The following RAB2A variants were observed in gnomAD, a reference collection of about 807,000 sequenced individuals.
RAB2A encodes the protein RAB2A, member RAS oncogene family, also known as ras-related protein Rab-2A.
In RAB2A, 7 loss-of-function variants were observed where a neutral mutation model predicts 32.5. The ratio of observed to expected loss-of-function variants is 0.22; its 90% confidence interval spans 0.12 to 0.40. The LOEUF is 0.40. RAB2A is among the 10% of genes least tolerant of loss of function. The pLI is 1.00. For missense variants in RAB2A, 108 were observed against 260.7 expected (o/e 0.41, Z 4.03); for synonymous variants, 79 against 85.2 (o/e 0.93, Z 0.40).
At chr8:60,612,863 C>T (rs995160462) in intron 6 of RAB2A, among the ~76,000 whole-genome samples, 1 of 152,198 alleles carries the variant, frequency 6.6e-6, no homozygotes, top group African/African-American at 2.4e-5. Flanking sequence ...GTTCTCCCTC[C>T]ACAGGGCTGT....
intron 1 of RAB2A, among the ~76,000 whole-genome samples, chr8:60,545,780 G>A (rs1807717935): frequency 6.6e-6 from 1 of 152,122 alleles, no homozygotes. Flanking sequence ...GAGTGGTAAT[G>A]ATCTGTGTAT....
chr8:60,621,378 A>C lies in RAB2A; in HGVS notation c.*609A>C, dbSNP rs1270272690. ...GACACTGAATTTTAAACTTTTTGACATTGTTAACAAGCATGTTCATCTTTT... is the reference window on the plus strand; with the variant it reads ...GACACTGAATTTTAAACTTTTTGACCTTGTTAACAAGCATGTTCATCTTTT... On this transcript the variant is annotated 3_prime_UTR_variant, in exon 8 of 8. Transcript: ENST00000262646. 3 of 152,364 alleles carry C rather than the reference A, an allele frequency of 2.0e-5. No homozygotes were observed. The highest frequency in any genetic ancestry group is 7.2e-5 in the African/African-American group (3 of 41,586). 9.4% of individuals were successfully genotyped at this position (152,364 alleles called of 1,614,324 possible).
chr8:60,520,826 C>T (rs1419047347), intron 1 of RAB2A, among the ~76,000 whole-genome samples: 1 of 152,090 alleles, frequency 6.6e-6, no homozygotes, highest in African/African-American at 2.4e-5. Flanking sequence ...TATTATTTAT[C>T]TATCTATTGA....
chr8:60,604,387 T>C (rs986376908), intron 6 of RAB2A, among the ~76,000 whole-genome samples: 1 of 152,186 alleles, frequency 6.6e-6, no homozygotes, highest in African/African-American at 2.4e-5. Context: ...GGAGTGGGGC[T>C]TTGTTATAAA....
intron 1 of RAB2A, among the ~76,000 whole-genome samples, chr8:60,545,872 C>A (rs1807719652): frequency 1.3e-5 from 2 of 152,290 alleles, no homozygotes; most frequent in South Asian, 2.1e-4. Context: ...ATTCATTATT[C>A]ATTAAACAAA....
At chr8:60,532,791 T>C (rs985134142) in intron 1 of RAB2A, among the ~76,000 whole-genome samples, 1 of 152,230 alleles carries the variant, frequency 6.6e-6, no homozygotes, top group Non-Finnish European at 1.5e-5. Flanking sequence ...ATTACATACA[T>C]GAGCCACTGC....
chr8:60,524,913 G>A (rs1807355856), intron 1 of RAB2A, among the ~76,000 whole-genome samples: 1 of 152,112 alleles, frequency 6.6e-6, no homozygotes, highest in Non-Finnish European at 1.5e-5. Flanking sequence ...AATTTGTATG[G>A]AATTCTCCAT....
intron 2 of RAB2A, among the ~76,000 whole-genome samples, chr8:60,566,310 A>C (rs576666226): frequency 6.6e-6 from 1 of 152,278 alleles, no homozygotes; most frequent in Non-Finnish European, 1.5e-5. Flanking sequence ...TGTAAATTAG[A>C]GTCAAAAAAA....
intron 6 of RAB2A, among the ~76,000 whole-genome samples, chr8:60,612,837 CG>C (rs1418827299): frequency 6.6e-6 from 1 of 152,154 alleles, no homozygotes; most frequent in Non-Finnish European, 1.5e-5. Flanking sequence ...TAGAAAGAGG[CG>C]GGGAAGAGGC....
At chr8:60,543,663 A>G (rs1807681374) in intron 1 of RAB2A, among the ~76,000 whole-genome samples, 1 of 152,146 alleles carries the variant, frequency 6.6e-6, no homozygotes, top group South Asian at 2.1e-4. Context: ...ACCGCCAGAG[A>G]GTATGTAGCT....
intron 1 of RAB2A, among the ~76,000 whole-genome samples, chr8:60,534,105 A>G (rs1807522183): frequency 6.6e-6 from 1 of 152,222 alleles, no homozygotes; most frequent in African/African-American, 2.4e-5. Context: ...AGAAAATGTA[A>G]TAAAAATATG....
intron 5 of RAB2A, among the ~76,000 whole-genome samples, chr8:60,588,456 C>T (rs1262795221): frequency 6.6e-6 from 1 of 151,980 alleles, no homozygotes; most frequent in African/African-American, 2.4e-5. Context: ...ACAGATGAAT[C>T]GAAAAATAGT....
intron 5 of RAB2A, among the ~76,000 whole-genome samples, chr8:60,587,537 T>G (rs1356170213): frequency 6.6e-6 from 1 of 152,202 alleles, no homozygotes; most frequent in South Asian, 2.1e-4. Flanking sequence ...TTAAAACTTT[T>G]GTTCTTCAAA....
chr8:60,540,982 G>C (rs1211337775), intron 1 of RAB2A, among the ~76,000 whole-genome samples: 1 of 152,212 alleles, frequency 6.6e-6, no homozygotes, highest in African/African-American at 2.4e-5. Context: ...CAAGAATACA[G>C]TATGGAAAAG....
At chr8:60,586,573 G>C (rs913868249) in intron 5 of RAB2A, among the ~76,000 whole-genome samples, 3 of 152,090 alleles carry the variant, frequency 2.0e-5, no homozygotes, top group East Asian at 1.9e-4. Flanking sequence ...ATATAACCAT[G>C]TTCATGGATT....
chr8:60,552,012 T>TTGTTTGTTTTTTG lies in RAB2A; in HGVS notation c.47-6839_47-6838insGTTTGTTTTTTGT, dbSNP rs1554553398. 1,197 of 146,400 alleles carry TTGTTTGTTTTTTG rather than the reference T, an allele frequency of 8.2e-3. 25 individuals carry two copies. The highest frequency in any genetic ancestry group is 0.028 in the African/African-American group (1,079 of 38,818). 9.1% of individuals were successfully genotyped at this position (146,400 alleles called of 1,614,324 possible). A position where few individuals can be genotyped will look rare whatever the true frequency, so the allele number is the denominator to read the frequency against. The stretch of plus-strand genomic sequence containing the variant: ...TTGAGTAGCTGGGAGTTTTTTTTTT[T>TTGTTTGTTTTTTG]TTTTTTTTAAGATGGAGTTTCGCTT... On this transcript the variant is annotated intron_variant, in intron 1 of 7. Coordinates refer to ENST00000262646, the MANE Select transcript of RAB2A (RefSeq NM_002865.3).
intron 2 of RAB2A, among the ~76,000 whole-genome samples, chr8:60,570,219 G>A (rs150331205): frequency 1.2e-4 from 18 of 152,170 alleles, no homozygotes; most frequent in African/African-American, 2.4e-4. Context: ...TAAATTTGAC[G>A]TTATGAGCAA....
intron 6 of RAB2A, among the ~76,000 whole-genome samples, chr8:60,593,056 C>T (rs549408769): frequency 6.6e-6 from 1 of 152,278 alleles, no homozygotes; most frequent in South Asian, 2.1e-4. Flanking sequence ...ACTTGGAGCT[C>T]TTCTGATTAA....
intron 1 of RAB2A, among the ~76,000 whole-genome samples, chr8:60,536,946 A>G (rs1408605097): frequency 6.6e-6 from 1 of 152,170 alleles, no homozygotes; most frequent in Non-Finnish European, 1.5e-5. Context: ...TTTTCCTTTC[A>G]TCTCTGTCCT....
Sources: gnomAD v4.1 joint callset for allele counts (sites outside exome capture counted in the v4.1 genomes callset) on GRCh38, gnomAD v4.1.1 for gene constraint, MANE v1.5 for transcripts, NCBI Gene and HGNC (gene_info 2026-07-23, HGNC 2026-07-21) for gene names.